The following ACTN4 variants were observed in gnomAD, a reference collection of about 807,000 sequenced individuals.
ACTN4 encodes the protein actinin alpha 4.
In ACTN4, 18 loss-of-function variants were observed where a neutral mutation model predicts 114.2. The ratio of observed to expected loss-of-function variants is 0.16; its 90% CI spans 0.11 to 0.23. The LOEUF (loss-of-function observed/expected upper bound fraction) is 0.23. Among genes scored for constraint, ACTN4 ranks in the 10% least tolerant of loss-of-function variants. ACTN4 has a pLI of 1.00. For synonymous variants in ACTN4, 515 were observed against 506.3 expected (o/e 1.02, Z -0.23); for missense variants, 722 against 1,262.9 (o/e 0.57, Z 6.49).
In ACTN4 at chr19:38,710,279, C is replaced by G. The variant is rs757819341; in HGVS notation, c.756C>G (p.Pro252=). The part of the protein sequence containing the change: ...DAEDIVNTAR[P]DEKAIMTYVS... ...CAGACATCGTGAACACGGCCCGGCC[C>G]GACGAGAAGGCCATAATGACCTATG... The change falls in exon 8 of 21, where the codon CCC becomes CCG. Residue 252 remains proline, a synonymous_variant. Coordinates refer to ENST00000252699, the MANE Select transcript of ACTN4 (RefSeq NM_004924.6). 3.7e-6 allele frequency: 6 copies of G among 1,614,132 alleles called. No homozygotes were observed. The highest frequency in any genetic ancestry group is 5.1e-6 in the Non-Finnish European group (6 of 1,180,032).
At chr19:38,702,559 A>G (rs1968315659) in intron 3 of ACTN4, among the ~76,000 whole-genome samples, 1 of 152,162 alleles carries the variant, frequency 6.6e-6, no homozygotes, top group East Asian at 1.9e-4. Context: ...TGAGCCGGGG[A>G]GCTGCGGCCT....
At chr19:38,679,783 AC>A (rs1967498082) in intron 1 of ACTN4, among the ~76,000 whole-genome samples, 1 of 152,084 alleles carries the variant, frequency 6.6e-6, no homozygotes, top group African/African-American at 2.4e-5. Flanking sequence ...AGTGTGAGCC[AC>A]CGCACCCGGC....
Position 38,730,766 on chromosome 19 carries a change from A to C in ACTN4, c.*1334A>C. ...CCCCAGACAGGTGGATGCCAGAGAG[A>C]GTGGCACCCATGCCAGGCAAGGCCT... On this transcript the variant is annotated 3_prime_UTR_variant, in exon 21 of 21. Coordinates refer to ENST00000252699, the MANE Select transcript of ACTN4 (RefSeq NM_004924.6). 1.4e-6 allele frequency: 2 copies of C among 1,475,058 alleles called. No individual in the cohort carries two copies. Among genetic ancestry groups the C allele is most frequent in the East Asian group, 2.5e-5 (1 of 40,582 alleles). The allele number at this position is 1,475,058 out of a possible 1,614,324, so 91.4% of individuals were successfully genotyped here.
intron 8 of ACTN4, among the ~76,000 whole-genome samples, chr19:38,713,543 C>T (rs1968734779): frequency 6.6e-6 from 1 of 152,162 alleles, no homozygotes; most frequent in Non-Finnish European, 1.5e-5. Context: ...CAGCATGGCG[C>T]GGGGTGTGCA....
At chr19:38,684,771 TTCTC>T (rs1967689715) in intron 1 of ACTN4, among the ~76,000 whole-genome samples, 1 of 152,198 alleles carries the variant, frequency 6.6e-6, no homozygotes, top group South Asian at 2.1e-4. Context: ...TTTCTCTTCT[TTCTC>T]TCTCTGTGGT....
At position 38,729,937 on chromosome 19, in the gene ACTN4, C is replaced by G; in HGVS notation, c.*505C>G. ...CCCTCTCCCCTCTCTGCTCCAGACTCACTTGCCATTGCCAGGAGATGGCCC... is the reference window on the plus strand; with the variant it reads ...CCCTCTCCCCTCTCTGCTCCAGACTGACTTGCCATTGCCAGGAGATGGCCC... On this transcript the variant is annotated 3_prime_UTR_variant, in exon 21 of 21. Transcript: ENST00000252699. The G allele has an allele frequency of 3.0e-6, 1 of 336,444 alleles. No homozygotes were observed. The highest frequency in any genetic ancestry group is 5.8e-6 in the Non-Finnish European group (1 of 171,542). 20.8% of individuals were successfully genotyped at this position (336,444 alleles called of 1,614,324 possible). A position where few individuals can be genotyped will look rare whatever the true frequency, so the allele number is the denominator to read the frequency against.
At chr19:38,648,027 G>A in intron 1 of ACTN4, 120 bp downstream of exon 1, 1 of 1,209,920 alleles carries the variant, frequency 8.3e-7, no homozygotes, top group East Asian at 3.2e-5. Context: ...TCCCGAGAAG[G>A]AATTGGCGGG....
intron 1 of ACTN4, among the ~76,000 whole-genome samples, chr19:38,678,790 C>A (rs1407765400): frequency 6.6e-6 from 1 of 152,202 alleles, no homozygotes; most frequent in Non-Finnish European, 1.5e-5. Flanking sequence ...CAAGTCCTTG[C>A]CCCTGGGACC....
chr19:38,675,520 C>T (rs1420524592), intron 1 of ACTN4, among the ~76,000 whole-genome samples: 2 of 152,216 alleles, frequency 1.3e-5, no homozygotes, highest in Non-Finnish European at 2.9e-5. Flanking sequence ...AGGCGTGAGC[C>T]GCTGCCCCTG....
At chr19:38,719,677 A>G (rs1306030968) in intron 11 of ACTN4, among the ~76,000 whole-genome samples, 1 of 152,268 alleles carries the variant, frequency 6.6e-6, no homozygotes, top group Non-Finnish European at 1.5e-5. Context: ...TTCAACAGAC[A>G]GCTCAGGTGG....
At chr19:38,714,887 G>A (rs1268097902) in intron 9 of ACTN4, among the ~76,000 whole-genome samples, 2 of 152,200 alleles carry the variant, frequency 1.3e-5, no homozygotes, top group African/African-American at 4.8e-5. Flanking sequence ...CCCTCTTCCC[G>A]TGCCCTGGCC....
chr19:38,654,290 G>A (rs141556268), intron 1 of ACTN4, among the ~76,000 whole-genome samples: 1 of 152,270 alleles, frequency 6.6e-6, no homozygotes, highest in East Asian at 1.9e-4. Flanking sequence ...CGCCGGGTGT[G>A]GTGGCTCACG....
intron 9 of ACTN4, 57 bp downstream of exon 9, chr19:38,714,618 CTG>C: frequency 1.3e-6 from 2 of 1,555,468 alleles, no homozygotes; most frequent in Non-Finnish European, 1.8e-6. Flanking sequence ...CCAGAGGTCA[CTG>C]TGACTCTTGC....
At chr19:38,659,984 A>T (rs1357085408) in intron 1 of ACTN4, among the ~76,000 whole-genome samples, 3 of 140,352 alleles carry the variant, frequency 2.1e-5, no homozygotes, top group Non-Finnish European at 4.5e-5. Flanking sequence ...CAGTGGCAGG[A>T]TCTCAGCTCA....
chr19:38,689,593 G>T (rs2144951551), intron 1 of ACTN4, among the ~76,000 whole-genome samples: 1 of 152,272 alleles, frequency 6.6e-6, no homozygotes, highest in East Asian at 1.9e-4. Context: ...GAATTCCCAG[G>T]CTTAAGTGTT....
Position 38,730,267 on chromosome 19 carries a change from G to C in ACTN4, c.*835G>C, listed in dbSNP as rs772909923. ...ATTCACCTAGCAACATATCTCTGCCGTCTCTCCTGCTCTCATAATGAAGAC... is the reference window on the plus strand; with the variant it reads ...ATTCACCTAGCAACATATCTCTGCCCTCTCTCCTGCTCTCATAATGAAGAC... On this transcript the variant is annotated 3_prime_UTR_variant, in exon 21 of 21. Coordinates refer to ENST00000252699, the MANE Select transcript of ACTN4 (RefSeq NM_004924.6). 8 of 158,540 alleles carry C rather than the reference G, an allele frequency of 5.0e-5. No homozygotes were observed. Among genetic ancestry groups the C allele is most frequent in the Non-Finnish European group, 9.8e-5 (7 of 71,782 alleles). The allele number at this position is 158,540 out of a possible 1,614,324, so 9.8% of individuals were successfully genotyped here.
chr19:38,673,598 C>CTTATATATATTTATATAAAT (rs1967240198), intron 1 of ACTN4, among the ~76,000 whole-genome samples: 7 of 50,018 alleles, frequency 1.4e-4, no homozygotes, highest in African/African-American at 2.9e-4. Flanking sequence ...TATATATATT[C>CTTATATATATTTATATAAAT]ATATATATTC....
intron 19 of ACTN4, chr19:38,728,442 T>TCCCCCCCCCC: frequency 1.1e-6 from 1 of 874,712 alleles, no homozygotes; most frequent in Non-Finnish European, 1.5e-6. Flanking sequence ...CTCCTCCTCC[T>TCCCCCCCCCC]CCTCCTCCCC....
At position 38,709,488 on chromosome 19, in the gene ACTN4, C is replaced by T. The variant is rs201961987; in HGVS notation, c.733+12C>T. On this transcript the variant is annotated intron_variant, in intron 7 of 20. Coordinates refer to ENST00000252699, the MANE Select transcript of ACTN4 (RefSeq NM_004924.6). Reference sequence around the variant, plus strand: ...GCTGGATGCAGAGGGTAAGTCATCTCTTCTGTTCAGCCACCACTGTGCTTC... The same window carrying T: ...GCTGGATGCAGAGGGTAAGTCATCTTTTCTGTTCAGCCACCACTGTGCTTC... 2 of 1,610,316 alleles carry T rather than the reference C, an allele frequency of 1.2e-6. No individual in the cohort carries two copies. The highest frequency in any genetic ancestry group is 1.7e-6 in the Non-Finnish European group (2 of 1,176,598).
Sources: gnomAD v4.1 joint callset for allele counts (sites outside exome capture counted in the v4.1 genomes callset) on GRCh38, gnomAD v4.1.1 for gene constraint, MANE v1.5 for transcripts, NCBI Gene and HGNC (gene_info 2026-07-23, HGNC 2026-07-21) for gene names.